Variants in SAP30L observed in about 807,000 individuals in gnomAD.
SAP30L encodes SAP30 like.
Under a neutral mutation model 22.3 loss-of-function variants are expected in SAP30L, and 10 were observed. The observed-to-expected ratio is 0.45, with a 90% confidence interval of 0.28 to 0.76. The LOEUF (loss-of-function observed/expected upper bound fraction) is 0.76, where lower values mean the gene tolerates loss of function less well. SAP30L is among the 30% of genes least tolerant of loss of function. SAP30L has a pLI of 0.14. For missense variants in SAP30L, 206 were observed against 237.9 expected (o/e 0.87, Z 0.88); for synonymous variants, 91 against 94.1 (o/e 0.97, Z 0.19).
chr5:154,448,372 GT>G (rs1481899511), intron 1 of SAP30L, among the ~76,000 whole-genome samples: 1 of 152,220 alleles, frequency 6.6e-6, no homozygotes, highest in Non-Finnish European at 1.5e-5. Flanking sequence ...CTATTTTTAA[GT>G]GGTTGGGAGA....
chr5:154,460,631 A>C lies in SAP30L; in HGVS notation c.*4603A>C, dbSNP rs1208322880. On this transcript the variant is annotated 3_prime_UTR_variant, in exon 4 of 4. Coordinates refer to ENST00000297109, the MANE Select transcript of SAP30L (RefSeq NM_024632.6). ...CTGTTCTTGAGGTAGAAATGTCTACAGTCAGTTGTTTCATCTAGCTTGCAT... is the reference window on the plus strand; with the variant it reads ...CTGTTCTTGAGGTAGAAATGTCTACCGTCAGTTGTTTCATCTAGCTTGCAT... The C allele has an allele frequency of 6.6e-6, 1 of 152,270 alleles. No individual in the cohort carries two copies. The highest frequency in any genetic ancestry group is 2.4e-5 in the African/African-American group (1 of 41,472). 9.4% of individuals were successfully genotyped at this position (152,270 alleles called of 1,614,324 possible). A position where few individuals can be genotyped will look rare whatever the true frequency, so the allele number is the denominator to read the frequency against.
intron 1 of SAP30L, among the ~76,000 whole-genome samples, chr5:154,449,176 C>T (rs1450853816): frequency 1.3e-5 from 2 of 152,294 alleles, no homozygotes; most frequent in African/African-American, 2.4e-5. Flanking sequence ...CTGTTTAACT[C>T]ATTTTATATA....
Position 154,446,699 on chromosome 5 carries a change from T to G in SAP30L, c.95T>G (p.Ile32Ser). The change falls in exon 1 of 4, where the codon ATC becomes AGC. Residue 32 changes from isoleucine to serine, a missense_variant. Physicochemically the swap from Ile to Ser is moderately radical, Grantham distance 142. Transcript: ENST00000297109. ...GGCTACGGCCAGAGCTGCTGCCTCATCGAGGACGGCGAGCGCTGCGTCCGG... is the reference window on the plus strand; with the variant it reads ...GGCTACGGCCAGAGCTGCTGCCTCAGCGAGGACGGCGAGCGCTGCGTCCGG... ...APGYGQSCCL[I>S]EDGERCVRPA... 1 of 1,594,698 alleles carries G rather than the reference T, an allele frequency of 6.3e-7. No individual in the cohort carries two copies. Among genetic ancestry groups the G allele is most frequent in the Non-Finnish European group, 8.5e-7 (1 of 1,173,536 alleles).
intron 1 of SAP30L, 52 bp from the exon 2 acceptor site, chr5:154,451,039 T>C (rs1279462125): frequency 4.4e-6 from 7 of 1,605,374 alleles, no homozygotes; most frequent in Admixed American, 1.7e-5. Flanking sequence ...AGATACCTAT[T>C]GCTGTCTCCA....
In SAP30L at chr5:154,451,085, C is replaced by T. The variant is rs1368206842; in HGVS notation, c.202-6C>T. 22 of 1,613,694 alleles carry T rather than the reference C, an allele frequency of 1.4e-5. No homozygotes were observed. Among genetic ancestry groups the T allele is most frequent in the Non-Finnish European group, 1.8e-5 (21 of 1,179,882 alleles). ...CAACTCTGACTTTGATTTTTGTCTC[C>T]ATCAGGTAAGGCACCTATATATCTG... On this transcript the variant is annotated splice_region_variant and splice_polypyrimidine_tract_variant and intron_variant, in intron 1 of 3. Transcript: ENST00000297109.
chr5:154,454,493 A>G (rs983627145), intron 3 of SAP30L, among the ~76,000 whole-genome samples: 4 of 152,188 alleles, frequency 2.6e-5, no homozygotes, highest in African/African-American at 9.7e-5. Context: ...ACCACTCTTT[A>G]TGTCTAGTTC....
rs1412424956 is a variant in SAP30L, at chr5:154,446,652, C to T, written c.48C>T (p.Ala16=). 2 of 1,539,412 alleles carry T rather than the reference C, an allele frequency of 1.3e-6. No homozygotes were observed. The highest frequency in any genetic ancestry group is 1.7e-6 in the Non-Finnish European group (2 of 1,145,928). ...TEEDSREGPP[A]APAAAAPGYG... Reference sequence around the variant, plus strand: ...AGGACAGCCGCGAAGGGCCCCCCGCCGCCCCAGCTGCCGCCGCCCCGGGCT... The same window carrying T: ...AGGACAGCCGCGAAGGGCCCCCCGCTGCCCCAGCTGCCGCCGCCCCGGGCT... Residue 16 remains alanine, a synonymous_variant, in exon 1 of 4, where the codon GCC becomes GCT. Transcript: ENST00000297109.
At position 154,446,776 on chromosome 5, in the gene SAP30L, A is replaced by T; in HGVS notation, c.172A>T (p.Lys58Ter). Reference sequence around the variant, plus strand: ...GAGGGTCCAGAAGAGCATCTCGCAGAAGAAACTCAAGCTGGACATCGACAA... The same window carrying T: ...GAGGGTCCAGAAGAGCATCTCGCAGTAGAAACTCAAGCTGGACATCGACAA... ...SKRVQKSISQ[K>*]KLKLDIDKSV... The change falls in exon 1 of 4, where the codon AAG becomes TAG. Residue 58 changes from lysine to a stop codon, truncating the protein, a stop_gained. Coordinates refer to ENST00000297109, the MANE Select transcript of SAP30L (RefSeq NM_024632.6). LOFTEE classifies it high-confidence loss of function. 6.2e-7 allele frequency: 1 copy of T among 1,604,134 alleles called. No homozygotes were observed. Among genetic ancestry groups the T allele is most frequent in the South Asian group, 1.1e-5 (1 of 90,068 alleles).
At chr5:154,450,494 C>T (rs1372440791) in intron 1 of SAP30L, among the ~76,000 whole-genome samples, 1 of 152,190 alleles carries the variant, frequency 6.6e-6, no homozygotes, top group African/African-American at 2.4e-5. Context: ...CAGGACAGTA[C>T]ATTCCAGTCG....
At chr5:154,447,395 AAAG>A (rs1487545422) in intron 1 of SAP30L, among the ~76,000 whole-genome samples, 1 of 152,240 alleles carries the variant, frequency 6.6e-6, no homozygotes, top group Non-Finnish European at 1.5e-5. Context: ...GGGGGGAAGA[AAAG>A]AAATCAATTT....
chr5:154,460,358 T>C lies in SAP30L; in HGVS notation c.*4330T>C, dbSNP rs1357569533. 1 of 152,274 alleles carries C rather than the reference T, an allele frequency of 6.6e-6. No homozygotes were observed. Among genetic ancestry groups the C allele is most frequent in the Non-Finnish European group, 1.5e-5 (1 of 68,054 alleles). The allele number at this position is 152,274 out of a possible 1,614,324, so 9.4% of individuals were successfully genotyped here. On this transcript the variant is annotated 3_prime_UTR_variant, in exon 4 of 4. Coordinates refer to ENST00000297109, the MANE Select transcript of SAP30L (RefSeq NM_024632.6). ...TGGTCTGTGATCTCTTGGTCAGATA[T>C]CTGCCTTCCAGGCGATCCTTTGAGG...
rs1170171122 is a variant in SAP30L at position 154,459,017 on chromosome 5, T to G, written c.*2989T>G. 15 of 152,244 alleles carry G rather than the reference T, an allele frequency of 9.9e-5. No individual in the cohort carries two copies. The highest frequency in any genetic ancestry group is 2.2e-4 in the Non-Finnish European group (15 of 68,038). 9.4% of individuals were successfully genotyped at this position (152,244 alleles called of 1,614,324 possible). A position where few individuals can be genotyped will look rare whatever the true frequency, so the allele number is the denominator to read the frequency against. Reference sequence around the variant, plus strand: ...GTAACAATTGTTTGCAGCTGCAGTGTTGCATCTAATTTTGGTGTTTAGGCT... The same window carrying G: ...GTAACAATTGTTTGCAGCTGCAGTGGTGCATCTAATTTTGGTGTTTAGGCT... On this transcript the variant is annotated 3_prime_UTR_variant, in exon 4 of 4. Coordinates refer to ENST00000297109, the MANE Select transcript of SAP30L (RefSeq NM_024632.6).
chr5:154,453,182 C>T (rs867971015), intron 2 of SAP30L: 1 of 462,736 alleles, frequency 2.2e-6, no homozygotes, highest in African/African-American at 2.0e-5. Context: ...CCTTTTCCAC[C>T]AGTTTTGTGA....
intron 3 of SAP30L, among the ~76,000 whole-genome samples, chr5:154,454,597 T>C (rs1383793147): frequency 2.6e-5 from 4 of 152,184 alleles, no homozygotes; most frequent in African/African-American, 4.8e-5. Flanking sequence ...CCTTTAGAGG[T>C]TTCTTGCTCG....
At chr5:154,451,322 G>C in intron 2 of SAP30L, 109 bp downstream of exon 2, 2 of 1,211,930 alleles carry the variant, frequency 1.7e-6, no homozygotes, top group South Asian at 3.1e-5. Flanking sequence ...TAGTCCTTTT[G>C]TTTTGCTGTG....
rs1353315359 is a variant in SAP30L at position 154,446,336 on chromosome 5, G to A, written c.-269G>A. The A allele has an allele frequency of 2.8e-6, 1 of 358,584 alleles. No homozygotes were observed. The highest frequency in any genetic ancestry group is 5.0e-6 in the Non-Finnish European group (1 of 200,574). 22.2% of individuals were successfully genotyped at this position (358,584 alleles called of 1,614,324 possible). A position where few individuals can be genotyped will look rare whatever the true frequency, so the allele number is the denominator to read the frequency against. On this transcript the variant is annotated 5_prime_UTR_variant, in exon 1 of 4. Transcript: ENST00000297109. ...TACGGTTCTGGGCCCCCGGCAGAAG[G>A]CTCCTCCGGGTGACCCCCGGCGGGG...
intron 1 of SAP30L, among the ~76,000 whole-genome samples, chr5:154,447,969 C>CTTTT (rs140213326): frequency 3.4e-3 from 304 of 88,310 alleles, no homozygotes; most frequent in Middle Eastern, 7.9e-3. Context: ...TTTTCTTTTT[C>CTTTT]TTTTTTTTTT....
In SAP30L at chr5:154,446,657, C is replaced by T; in HGVS notation, c.53C>T (p.Pro18Leu). The T allele has an allele frequency of 6.5e-7, 1 of 1,543,766 alleles. No individual in the cohort carries two copies. The highest frequency in any genetic ancestry group is 8.7e-7 in the Non-Finnish European group (1 of 1,148,116). Residue 18 changes from proline (P) to leucine (L), a missense_variant, in exon 1 of 4, where the codon CCA becomes CTA. Pro to Leu is a moderately conservative substitution (Grantham distance 98, BLOSUM62 -3). This residue lies in a region of SAP30L where 70 missense variants were observed against 50.5 expected (regional missense o/e 1.39). Transcript: ENST00000297109. ...EDSREGPPAAPAAAAPGYGQS... is the reference protein window; with the variant it reads ...EDSREGPPAALAAAAPGYGQS... ...AGCCGCGAAGGGCCCCCCGCCGCCC[C>T]AGCTGCCGCCGCCCCGGGCTACGGC...
At position 154,453,486 on chromosome 5, in the gene SAP30L, G is replaced by T. The variant is rs1434998138; in HGVS notation, c.409G>T (p.Ala137Ser). ...KLQTRPGFNK[A>S]QLAETVSRHF... ...GCAGACCAGACCAGGCTTCAATAAG[G>T]CCCAGTTAGCAGAAGTAGGTAGACA... The change falls in exon 3 of 4, where the codon GCC (alanine) becomes TCC (serine). Residue 137 changes from alanine (A) to serine (S), a missense_variant. Physicochemically the swap from Ala to Ser is moderately conservative, Grantham distance 99. Transcript: ENST00000297109. 6.2e-7 allele frequency: 1 copy of T among 1,612,896 alleles called. No homozygotes were observed. The highest frequency in any genetic ancestry group is 1.3e-5 in the African/African-American group (1 of 74,898).
Sources: gnomAD v4.1 joint callset for allele counts (sites outside exome capture counted in the v4.1 genomes callset) on GRCh38, gnomAD v4.1.1 for gene constraint, gnomAD v4.1.1 regional missense constraint, MANE v1.5 for transcripts, NCBI Gene and HGNC (gene_info 2026-07-23, HGNC 2026-07-21) for gene names.